SLC24A2: variants seen among roughly 807,000 people sequenced by gnomAD.
SLC24A2 encodes sodium/potassium/calcium exchanger 2.
SLC24A2 carries 36 observed loss-of-function variants against 62.0 expected under a neutral mutation model. The observed-to-expected ratio is 0.58, with a 90% CI of 0.44 to 0.77. The LOEUF (loss-of-function observed/expected upper bound fraction) is 0.77. Among genes scored for constraint, SLC24A2 ranks in the 30% least tolerant of loss-of-function variants. SLC24A2 has a pLI of 0.00. For synonymous variants in SLC24A2, 358 were observed against 294.0 expected (o/e 1.22, Z -2.23); for missense variants, 846 against 817.9 (o/e 1.03, Z -0.42).
intron 2 of SLC24A2, chr9:19,705,617 G>C (rs1047678383): frequency 1.7e-4 from 39 of 228,430 alleles, no homozygotes; most frequent in Middle Eastern, 2.5e-3. Context: ...AGGCAAAAGA[G>C]GACAAAAGCC....
the SLC24A2 span, among the ~76,000 whole-genome samples, chr9:19,865,902 T>G: frequency 6.6e-6 from 1 of 151,926 alleles, no homozygotes; most frequent in Non-Finnish European, 1.5e-5. Context: ...ATAAACAAAT[T>G]GAAGAGACAA....
chr9:19,799,321 T>C, the SLC24A2 span, among the ~76,000 whole-genome samples: 1 of 152,196 alleles, frequency 6.6e-6, no homozygotes, highest in Non-Finnish European at 1.5e-5. Flanking sequence ...TGATACACTT[T>C]TTCTGTTTCC....
the SLC24A2 span, among the ~76,000 whole-genome samples, chr9:20,289,492 G>A: frequency 6.6e-6 from 1 of 152,154 alleles, no homozygotes; most frequent in African/African-American, 2.4e-5. Flanking sequence ...GTTTCTTGCT[G>A]CCTGCCTTCG....
intron 2 of SLC24A2, among the ~76,000 whole-genome samples, chr9:19,725,937 G>A (rs1305009266): frequency 6.6e-6 from 1 of 152,086 alleles, no homozygotes; most frequent in Non-Finnish European, 1.5e-5. Flanking sequence ...GCTCTGCCCT[G>A]GTCCTTTTAT....
the SLC24A2 span, among the ~76,000 whole-genome samples, chr9:20,176,180 G>A: frequency 2.6e-5 from 4 of 152,036 alleles, no homozygotes; most frequent in Non-Finnish European, 5.9e-5. Context: ...GTTCCATGAA[G>A]CTCAGATTTG....
the SLC24A2 span, among the ~76,000 whole-genome samples, chr9:20,019,911 G>T: frequency 1.3e-5 from 2 of 149,276 alleles, no homozygotes; most frequent in African/African-American, 4.9e-5. Context: ...GTGGGTAAAG[G>T]ATAAGAACAG....
At position 19,508,452 on chromosome 9, in the gene SLC24A2, T is replaced by C. The variant is rs1209686438; in HGVS notation, c.*7701A>G. On this transcript the variant is annotated 3_prime_UTR_variant, in exon 11 of 11. Coordinates refer to ENST00000341998, the MANE Select transcript of SLC24A2 (RefSeq NM_020344.4). ...GGACAATTTAGGTACCCAGTTCTGG[T>C]GGATTTCTAGACTATTAAGTGCTTT... The C allele has an allele frequency of 6.6e-6, 1 of 152,186 alleles. No individual in the cohort carries two copies. Among genetic ancestry groups the C allele is most frequent in the Non-Finnish European group, 1.5e-5 (1 of 68,034 alleles). 9.4% of individuals were successfully genotyped at this position (152,186 alleles called of 1,614,324 possible). A position where few individuals can be genotyped will look rare whatever the true frequency, so the allele number is the denominator to read the frequency against.
chr9:20,103,634 G>A, the SLC24A2 span, among the ~76,000 whole-genome samples: 1 of 152,194 alleles, frequency 6.6e-6, no homozygotes. Context: ...CTGGAGCTGA[G>A]GGTCCTGTCT....
chr9:19,562,101 G>A (rs991071751), intron 7 of SLC24A2, among the ~76,000 whole-genome samples: 2 of 152,146 alleles, frequency 1.3e-5, no homozygotes, highest in African/African-American at 2.4e-5. Context: ...CGATTCTGAG[G>A]TGCAACTTAT....
At chr9:19,732,749 C>T (rs1031400614) in intron 2 of SLC24A2, among the ~76,000 whole-genome samples, 1 of 152,138 alleles carries the variant, frequency 6.6e-6, no homozygotes, top group Non-Finnish European at 1.5e-5. Flanking sequence ...TCAGGGCAGA[C>T]CATGAAACAG....
chr9:19,571,739 C>T (rs374304954), intron 7 of SLC24A2, among the ~76,000 whole-genome samples: 2 of 152,174 alleles, frequency 1.3e-5, no homozygotes, highest in South Asian at 4.1e-4. Flanking sequence ...AATTAACATG[C>T]AAGTTTGGGG....
At chr9:19,886,870 C>G in the SLC24A2 span, among the ~76,000 whole-genome samples, 1 of 152,082 alleles carries the variant, frequency 6.6e-6, no homozygotes, top group African/African-American at 2.4e-5. Flanking sequence ...TACTATGCAG[C>G]CATAAAAAGG....
At position 19,516,315 on chromosome 9, in the gene SLC24A2, G is replaced by A. The variant is rs761612625; in HGVS notation, c.1824C>T (p.Val608=). 6.2e-7 allele frequency: 1 copy of A among 1,614,086 alleles called. No homozygotes were observed. The highest frequency in any genetic ancestry group is 1.3e-5 in the African/African-American group (1 of 74,936). The change falls in exon 11 of 11, where the codon GTC becomes GTT. Residue 608 remains valine (V), a synonymous_variant. Coordinates refer to ENST00000341998, the MANE Select transcript of SLC24A2 (RefSeq NM_020344.4). The part of the protein sequence containing the change: ...VSSNGLFCAI[V]LLFIMLLFVI... ...CGAAGAGCAGCATGATGAAGAGAAGGACGATGGCACAGAAAAGGCCATTGC... is the reference window on the plus strand; with the variant it reads ...CGAAGAGCAGCATGATGAAGAGAAGAACGATGGCACAGAAAAGGCCATTGC...
chr9:19,577,157 C>T, intron 5 of SLC24A2, 135 bp from the exon 6 acceptor site: 1 of 757,936 alleles, frequency 1.3e-6, no homozygotes, highest in Non-Finnish European at 2.4e-6. Context: ...CCCAATGCAC[C>T]AGGACCTTCC....
intron 5 of SLC24A2, among the ~76,000 whole-genome samples, chr9:19,594,309 A>G (rs771060873): frequency 1.3e-5 from 2 of 152,016 alleles, no homozygotes; most frequent in South Asian, 2.1e-4. Flanking sequence ...ATTTCCCCAA[A>G]GCACCCAGCA....
chr9:20,106,741 C>T, the SLC24A2 span, among the ~76,000 whole-genome samples: 2 of 152,124 alleles, frequency 1.3e-5, no homozygotes, highest in Non-Finnish European at 2.9e-5. Context: ...CAGCCAATAC[C>T]ATACTGAATG....
chr9:20,241,858 TC>T, the SLC24A2 span, among the ~76,000 whole-genome samples: 1 of 152,084 alleles, frequency 6.6e-6, no homozygotes, highest in Non-Finnish European at 1.5e-5. Context: ...TATTACAGCT[TC>T]TAAAAAACAT....
chr9:20,126,647 CAA>C, the SLC24A2 span, among the ~76,000 whole-genome samples: 1 of 152,062 alleles, frequency 6.6e-6, no homozygotes, highest in Non-Finnish European at 1.5e-5. Context: ...CTTTAAGGAT[CAA>C]AAGTTTTCAA....
At chr9:20,246,270 C>T in the SLC24A2 span, among the ~76,000 whole-genome samples, 1 of 152,288 alleles carries the variant, frequency 6.6e-6, no homozygotes, top group South Asian at 2.1e-4. Context: ...TTATGGAGCA[C>T]TCACATGTGA....
Sources: gnomAD v4.1 joint callset for allele counts (sites outside exome capture counted in the v4.1 genomes callset) on GRCh38, gnomAD v4.1.1 for gene constraint, MANE v1.5 for transcripts, NCBI Gene and HGNC (gene_info 2026-07-23, HGNC 2026-07-21) for gene names.